Variants in NLGN1 observed in about 807,000 individuals in gnomAD.
NLGN1 encodes the protein neuroligin-1.
NLGN1 carries 12 observed loss-of-function variants against 65.5 expected under a neutral mutation model. The ratio of observed to expected loss-of-function variants is 0.18; its 90% CI spans 0.12 to 0.30. The LOEUF (loss-of-function observed/expected upper bound fraction) is 0.30, where lower values mean the gene tolerates loss of function less well. Ranked by LOEUF, NLGN1 falls within the 10% of genes least tolerant of loss-of-function variation. The pLI, the probability that NLGN1 is intolerant of heterozygous loss-of-function variation, is 1.00. For synonymous variants in NLGN1, 350 were observed against 359.5 expected, an observed-to-expected ratio of 0.97 and a Z score of 0.30; for missense variants, 750 against 1,007.1, an observed-to-expected ratio of 0.74 and a Z score of 3.46.
chr3:174,218,939 C>G (rs1304459441), intron 4 of NLGN1, among the ~76,000 whole-genome samples: 4 of 151,986 alleles, frequency 2.6e-5, no homozygotes, highest in African/African-American at 9.7e-5. Flanking sequence ...GGATGATGCT[C>G]TAGTTCTGAC....
intron 4 of NLGN1, among the ~76,000 whole-genome samples, chr3:174,159,278 A>C (rs1342536942): frequency 6.6e-6 from 1 of 151,730 alleles, no homozygotes; most frequent in Non-Finnish European, 1.5e-5. Flanking sequence ...GTCTGTAACT[A>C]AGGTTAAATT....
chr3:174,183,795 C>G (rs1170056821), intron 4 of NLGN1, among the ~76,000 whole-genome samples: 1 of 152,148 alleles, frequency 6.6e-6, no homozygotes, highest in Non-Finnish European at 1.5e-5. Context: ...TGTGTTAATA[C>G]TCCTTCTTTT....
chr3:173,583,946 C>T lies in NLGN1; in HGVS notation c.-320-20333C>T, dbSNP rs184188440. ...ATGTTTTTCTAAAAGCAGCATATCT[C>T]AGGAAGAGTGAGGCTTCTTTTAGGT... On this transcript the variant is annotated intron_variant, in intron 2 of 6. Coordinates refer to ENST00000457714, the Ensembl canonical transcript of NLGN1. Among the ~76,000 whole-genome samples, 95 of 152,064 alleles carry T rather than the reference C, an allele frequency of 6.2e-4. 1 individual carries two copies. The East Asian group carries it at 0.018, about 29-fold the overall frequency.
intron 4 of NLGN1, among the ~76,000 whole-genome samples, chr3:174,007,808 T>C (rs1248329413): frequency 6.6e-6 from 1 of 152,176 alleles, no homozygotes; most frequent in African/African-American, 2.4e-5. Flanking sequence ...GAATTATACA[T>C]TGTATACACA....
At chr3:174,151,315 G>T (rs902296645) in intron 4 of NLGN1, among the ~76,000 whole-genome samples, 1 of 152,052 alleles carries the variant, frequency 6.6e-6, no homozygotes, top group Non-Finnish European at 1.5e-5. Flanking sequence ...ATCTGTTGAT[G>T]AATTGATCAA....
intron 2 of NLGN1, among the ~76,000 whole-genome samples, chr3:173,501,190 T>G (rs967790478): frequency 6.6e-6 from 1 of 152,096 alleles, no homozygotes; most frequent in African/African-American, 2.4e-5. Context: ...TTGCTGCGCC[T>G]ATCAACCCAT....
chr3:174,162,256 T>A (rs1410142150), intron 4 of NLGN1, among the ~76,000 whole-genome samples: 2 of 151,950 alleles, frequency 1.3e-5, no homozygotes. Flanking sequence ...TCTCCTTCTC[T>A]AGGCTCTGTT....
At chr3:173,704,508 A>G (rs893183056) in intron 3 of NLGN1, among the ~76,000 whole-genome samples, 1 of 152,178 alleles carries the variant, frequency 6.6e-6, no homozygotes, top group Non-Finnish European at 1.5e-5. Context: ...GAAAGAGTTC[A>G]ATTGGTATGA....
chr3:173,483,590 G>A (rs1727660056), intron 2 of NLGN1, among the ~76,000 whole-genome samples: 1 of 152,020 alleles, frequency 6.6e-6, no homozygotes, highest in Non-Finnish European at 1.5e-5. Context: ...TAAAGACAAA[G>A]TTAATGATAT....
chr3:174,151,206 A>G (rs943258877), intron 4 of NLGN1, among the ~76,000 whole-genome samples: 1 of 152,046 alleles, frequency 6.6e-6, no homozygotes, highest in African/African-American at 2.4e-5. Flanking sequence ...GATTATATAA[A>G]ATTAGTTAAT....
At chr3:174,292,437 C>T in the NLGN1 span, among the ~76,000 whole-genome samples, 7 of 151,040 alleles carry the variant, frequency 4.6e-5, no homozygotes, top group Non-Finnish European at 7.4e-5. Flanking sequence ...TCTAAAGATA[C>T]GACAGTGTGA....
intron 2 of NLGN1, among the ~76,000 whole-genome samples, chr3:173,591,909 A>G (rs1178217213): frequency 6.6e-6 from 1 of 152,210 alleles, no homozygotes; most frequent in Non-Finnish European, 1.5e-5. Context: ...CCTTCCAGAC[A>G]AAATCATCAA....
intron 4 of NLGN1, among the ~76,000 whole-genome samples, chr3:173,830,008 G>GGGTGT (rs1553863538): frequency 2.6e-4 from 17 of 65,456 alleles, no homozygotes; most frequent in Non-Finnish European, 5.1e-4. Context: ...TGGGTAGTGT[G>GGGTGT]GGGGGGGGAG....
chr3:174,269,933 C>A (rs1234392951), intron 4 of NLGN1, among the ~76,000 whole-genome samples: 1 of 151,602 alleles, frequency 6.6e-6, no homozygotes, highest in East Asian at 1.9e-4. Flanking sequence ...TGTTGAATAT[C>A]TTTTCATGTG....
chr3:173,674,055 G>A (rs905512490), intron 3 of NLGN1, among the ~76,000 whole-genome samples: 40 of 152,228 alleles, frequency 2.6e-4, no homozygotes, highest in African/African-American at 8.2e-4. Context: ...CATAGCTGAA[G>A]TGTGAATCGG....
At chr3:173,510,656 G>C (rs547634028) in intron 2 of NLGN1, among the ~76,000 whole-genome samples, 1 of 152,190 alleles carries the variant, frequency 6.6e-6, no homozygotes, top group Non-Finnish European at 1.5e-5. Context: ...TTGTCATACT[G>C]CTGAATAAAG....
intron 3 of NLGN1, among the ~76,000 whole-genome samples, chr3:173,724,664 C>T (rs1771458751): frequency 6.6e-6 from 1 of 152,066 alleles, no homozygotes; most frequent in Non-Finnish European, 1.5e-5. Context: ...ACCATTTGAC[C>T]CAGCCATCCC....
At chr3:173,419,020 C>CTTTTTTTTTTTTTTTTTTTTTTTT (rs59051811) in intron 1 of NLGN1, among the ~76,000 whole-genome samples, 2 of 12,262 alleles carry the variant, frequency 1.6e-4, no homozygotes, top group Non-Finnish European at 1.4e-4. Flanking sequence ...TCTTCTTCTT[C>CTTTTTTTTTTTTTTTTTTTTTTTT]TTTTTTTTTT....
chr3:173,868,465 G>A (rs1050436403), intron 4 of NLGN1, among the ~76,000 whole-genome samples: 6 of 152,120 alleles, frequency 3.9e-5, no homozygotes, highest in South Asian at 2.1e-4. Context: ...ATTAGTATGC[G>A]GTAAGTCTCA....
Sources: allele counts gnomAD v4.1 joint callset (sites outside exome capture counted in the v4.1 genomes callset), GRCh38; gene constraint gnomAD v4.1.1; transcripts MANE v1.5; gene names NCBI Gene and HGNC (gene_info 2026-07-23, HGNC 2026-07-21).